Variants in SCAMP4 observed in about 807,000 individuals in gnomAD.
The protein encoded by SCAMP4 is secretory carrier membrane protein 4, also known as secretory carrier-associated membrane protein 4.
Under a neutral mutation model 32.1 loss-of-function variants are expected in SCAMP4, and 19 were observed. That is an observed-to-expected ratio of 0.59 (90% CI 0.41 to 0.87). The LOEUF is 0.87. SCAMP4 is among the 40% of genes least tolerant of loss of function. The pLI is 0.00. For synonymous variants in SCAMP4, 152 were observed against 132.7 expected (o/e 1.15, Z -1.00); for missense variants, 302 against 309.0 (o/e 0.98, Z 0.17).
At chr19:1,916,170 C>T (rs1309871379) in intron 2 of SCAMP4, among the ~76,000 whole-genome samples, 2 of 149,580 alleles carry the variant, frequency 1.3e-5, no homozygotes, top group Non-Finnish European at 3.0e-5. Flanking sequence ...ACCTGGGAGG[C>T]GGAGTTGTGG....
chr19:1,924,170 G>C lies in SCAMP4; in HGVS notation c.576G>C (p.Thr192=). ...SFQKAQTEWN[T]GTWRNPPSRE... ...AGAAGGCACAGACGGAGTGGAACAC[G>C]GGCACTTGGCGGAACCCACCGTCGA... The change falls in exon 7 of 7, where the codon ACG becomes ACC. Residue 192 remains threonine, a synonymous_variant. Coordinates refer to ENST00000316097, the MANE Select transcript of SCAMP4 (RefSeq NM_079834.4). 1.2e-6 allele frequency: 2 copies of C among 1,611,780 alleles called. No homozygotes were observed. Among genetic ancestry groups the C allele is most frequent in the Non-Finnish European group, 8.5e-7 (1 of 1,179,046 alleles).
chr19:1,923,970 G>T lies in SCAMP4; in HGVS notation c.514-138G>T. 4 of 258,528 alleles carry T rather than the reference G, an allele frequency of 1.5e-5. 1 individual carries two copies. Among genetic ancestry groups the T allele is most frequent in the Non-Finnish European group, 3.4e-5 (4 of 116,836 alleles). 16.0% of individuals were successfully genotyped at this position (258,528 alleles called of 1,614,324 possible). The stretch of plus-strand genomic sequence containing the variant: ...AGACAGGGTTTCACCATGTTGTTTG[G>T]ACTGGTCTCGAACTCCAGAGCTCAG... On this transcript the variant is annotated intron_variant, in intron 6 of 6. Coordinates refer to ENST00000316097, the MANE Select transcript of SCAMP4 (RefSeq NM_079834.4).
intron 2 of SCAMP4, among the ~76,000 whole-genome samples, chr19:1,916,300 G>A (rs2013731878): frequency 6.6e-6 from 1 of 152,056 alleles, no homozygotes; most frequent in Non-Finnish European, 1.5e-5. Flanking sequence ...GCAGAGGCCA[G>A]AGCTATGCGG....
intron 5 of SCAMP4, chr19:1,922,162 A>G: frequency 1.0e-6 from 1 of 985,476 alleles, no homozygotes; most frequent in Non-Finnish European, 1.2e-6. Context: ...TGGGTCTCAA[A>G]GGCAGGTGCA....
intron 2 of SCAMP4, among the ~76,000 whole-genome samples, chr19:1,916,818 G>C (rs114562153): frequency 0.01 from 1,580 of 152,320 alleles, 22 homozygotes; most frequent in African/African-American, 0.036. Context: ...CATGGGGAAC[G>C]GAAGCGTCCC....
chr19:1,908,354 G>C lies in SCAMP4; in HGVS notation c.-42+2915G>C, dbSNP rs1315378797. 3 of 385,112 alleles carry C rather than the reference G, an allele frequency of 7.8e-6. No individual in the cohort carries two copies. Among genetic ancestry groups the C allele is most frequent in the East Asian group, 1.5e-4 (2 of 13,620 alleles). 23.9% of individuals were successfully genotyped at this position (385,112 alleles called of 1,614,324 possible). A position where few individuals can be genotyped will look rare whatever the true frequency, so the allele number is the denominator to read the frequency against. On this transcript the variant is annotated intron_variant, in intron 1 of 6. Transcript: ENST00000316097. The surrounding 1 kb of genome is among the most constrained non-coding windows in gnomAD (Gnocchi z 4.2). ...CGTGACCTCCAAGGCCACTGGCCTG[G>C]AGTTCCACTGGCTGCTGGTCCCCCA...
intron 5 of SCAMP4, chr19:1,919,991 G>A: frequency 4.2e-6 from 1 of 240,090 alleles, no homozygotes; most frequent in Non-Finnish European, 6.7e-6. Context: ...TGTATTTTTA[G>A]TAAGAGACGG....
At chr19:1,912,392 G>A in intron 1 of SCAMP4, 5 of 1,517,934 alleles carry the variant, frequency 3.3e-6, no homozygotes, top group Non-Finnish European at 4.4e-6. Flanking sequence ...TGGCTGGGCC[G>A]GCCTCGGGCC....
chr19:1,920,885 C>G, intron 5 of SCAMP4: 12 of 985,524 alleles, frequency 1.2e-5, no homozygotes, highest in Non-Finnish European at 1.4e-5. Context: ...AGAGACCTCC[C>G]TGCCCCCTCG....
chr19:1,914,967 T>C lies in SCAMP4; in HGVS notation c.-41-12T>C, dbSNP rs761232425. 1 of 1,612,944 alleles carries C rather than the reference T, an allele frequency of 6.2e-7. No homozygotes were observed. The highest frequency in any genetic ancestry group is 8.5e-7 in the Non-Finnish European group (1 of 1,178,952). ...GCTCAGGGTTCCCTGACTGTGGTTG[T>C]CTTCCTTCCAGGCGGCTGCAGGCTT... On this transcript the variant is annotated splice_polypyrimidine_tract_variant and intron_variant, in intron 1 of 6. Coordinates refer to ENST00000316097, the MANE Select transcript of SCAMP4 (RefSeq NM_079834.4).
rs920751848 is a variant in SCAMP4, at chr19:1,925,359, A to T, written c.*1075A>T. The stretch of plus-strand genomic sequence containing the variant: ...GTGATCCACCCGCCTTGGCCTCCCA[A>T]AGTGCTGGGATAATAGGTGTCAGCC... On this transcript the variant is annotated 3_prime_UTR_variant, in exon 7 of 7. Transcript: ENST00000316097. 6.6e-6 allele frequency: 1 copy of T among 152,328 alleles called. No homozygotes were observed. Among genetic ancestry groups the T allele is most frequent in the Non-Finnish European group, 1.5e-5 (1 of 68,054 alleles). The allele number at this position is 152,328 out of a possible 1,614,324, so 9.4% of individuals were successfully genotyped here.
In SCAMP4 at chr19:1,918,978, G is replaced by A; in HGVS notation, c.383G>A (p.Gly128Asp). ...LTVIQAIGFSGWGACGWLSAI... is the reference protein window; with the variant it reads ...LTVIQAIGFSDWGACGWLSAI... Reference sequence around the variant, plus strand: ...GTCATCCAGGCGATTGGCTTCTCCGGCTGGGGCGCGTGGTAAGCCTCTCTC... The same window carrying A: ...GTCATCCAGGCGATTGGCTTCTCCGACTGGGGCGCGTGGTAAGCCTCTCTC... The change falls in exon 5 of 7, where the codon GGC becomes GAC. Residue 128 changes from glycine (G) to aspartate (D), a missense_variant. By Grantham distance (94) the Gly-to-Asp change is moderately conservative. Coordinates refer to ENST00000316097, the MANE Select transcript of SCAMP4 (RefSeq NM_079834.4). The A allele has an allele frequency of 1.2e-6, 2 of 1,607,968 alleles. No homozygotes were observed. Among genetic ancestry groups the A allele is most frequent in the Non-Finnish European group, 8.5e-7 (1 of 1,177,304 alleles).
chr19:1,924,095 T>C lies in SCAMP4; in HGVS notation c.514-13T>C. The C allele has an allele frequency of 6.3e-7, 1 of 1,588,680 alleles. No individual in the cohort carries two copies. Among genetic ancestry groups the C allele is most frequent in the Non-Finnish European group, 8.5e-7 (1 of 1,173,318 alleles). The stretch of plus-strand genomic sequence containing the variant: ...TTTTCTGTCTTCTGCCTCCCTGTCC[T>C]CTGTCCTTGCAGGTGCACAGGATCT... On this transcript the variant is annotated splice_polypyrimidine_tract_variant and intron_variant, in intron 6 of 6. Coordinates refer to ENST00000316097, the MANE Select transcript of SCAMP4 (RefSeq NM_079834.4).
chr19:1,922,774 C>T, intron 5 of SCAMP4: 19 of 1,065,866 alleles, frequency 1.8e-5, no homozygotes, highest in Non-Finnish European at 2.2e-5. Flanking sequence ...TCCCTGCACG[C>T]ACAGCCCACT....
intron 2 of SCAMP4, among the ~76,000 whole-genome samples, chr19:1,916,437 C>T (rs1274257610): frequency 6.6e-6 from 1 of 152,068 alleles, no homozygotes; most frequent in African/African-American, 2.4e-5. Flanking sequence ...GCCTCCAGGA[C>T]TGTTAGCAGA....
Position 1,912,089 on chromosome 19 carries a change from G to A in SCAMP4, c.-41-2890G>A. 3 of 1,475,096 alleles carry A rather than the reference G, an allele frequency of 2.0e-6. No individual in the cohort carries two copies. The East Asian group carries it at 7.9e-5, about 39-fold the overall frequency. The allele number at this position is 1,475,096 out of a possible 1,614,324, so 91.4% of individuals were successfully genotyped here. On this transcript the variant is annotated intron_variant, in intron 1 of 6. Transcript: ENST00000316097. ...GTCTCTGTCTCCCACAGTCGGCCTC[G>A]CTGAGGATGGAGCCCGCCCCGGGCC...
chr19:1,919,917 C>T (rs1042455705), intron 5 of SCAMP4, among the ~76,000 whole-genome samples: 2 of 151,710 alleles, frequency 1.3e-5, no homozygotes, highest in African/African-American at 4.8e-5. Context: ...TCAAGCGATT[C>T]TCCTGCCTCA....
At chr19:1,913,329 C>A in intron 1 of SCAMP4, 1 of 945,602 alleles carries the variant, frequency 1.1e-6, no homozygotes, top group Non-Finnish European at 1.5e-6. Context: ...TGGACTCGGT[C>A]ATTGGGGCCA....
chr19:1,913,206 C>T (rs2013593636), intron 1 of SCAMP4: 2 of 1,461,812 alleles, frequency 1.4e-6, no homozygotes, highest in African/African-American at 1.4e-5. Context: ...GGCGCCCCTC[C>T]TGGACTTCCG....
Sources: gnomAD v4.1 joint callset for allele counts (sites outside exome capture counted in the v4.1 genomes callset) on GRCh38, gnomAD v4.1.1 for gene constraint, Gnocchi (gnomAD v3.1) non-coding constraint, MANE v1.5 for transcripts, NCBI Gene and HGNC (gene_info 2026-07-23, HGNC 2026-07-21) for gene names.